DSCAM: variants seen among roughly 807,000 people sequenced by gnomAD.
DSCAM encodes the protein cell adhesion molecule DSCAM.
DSCAM carries 47 observed loss-of-function variants against 217.7 expected under a neutral mutation model. The observed-to-expected ratio is 0.22, with a 90% CI of 0.17 to 0.28. DSCAM has a LOEUF of 0.28. Among genes scored for constraint, DSCAM ranks in the 10% least tolerant of loss-of-function variants. The pLI is 1.00. For synonymous variants in DSCAM, 1,056 were observed against 1,015.3 expected, an observed-to-expected ratio of 1.04 and a Z score of -0.76; for missense variants, 2,080 against 2,618.3, an observed-to-expected ratio of 0.79 and a Z score of 4.49.
intron 3 of DSCAM, among the ~76,000 whole-genome samples, chr21:40,479,118 C>A (rs995837460): frequency 1.1e-4 from 16 of 152,250 alleles, no homozygotes; most frequent in African/African-American, 2.9e-4. Flanking sequence ...TGCTTCATTG[C>A]AATGAGGCAT....
chr21:40,369,067 A>T (rs1437041905), intron 4 of DSCAM, 32 bp downstream of exon 4: 1 of 1,574,786 alleles, frequency 6.4e-7, no homozygotes, highest in African/African-American at 1.4e-5. Flanking sequence ...GAAATAGCAG[A>T]CATAGCAGAC....
At chr21:40,721,990 C>T (rs535813966) in intron 1 of DSCAM, among the ~76,000 whole-genome samples, 11 of 151,854 alleles carry the variant, frequency 7.2e-5, no homozygotes, top group Non-Finnish European at 1.2e-4. Context: ...TCAGAAACAA[C>T]GCAAAACAGA....
chr21:40,230,184 T>C (rs2091369049), intron 11 of DSCAM, among the ~76,000 whole-genome samples: 1 of 152,218 alleles, frequency 6.6e-6, no homozygotes, highest in Non-Finnish European at 1.5e-5. Flanking sequence ...TTTCTCATAT[T>C]AGAATAATGC....
rs541992703 is a variant in DSCAM, at chr21:40,189,369, T to A, written c.2357-131A>T. The A allele has an allele frequency of 1.4e-4, 118 of 814,918 alleles. No homozygotes were observed. The African/African-American group carries it at 1.9e-3, about 13-fold the overall frequency. 50.5% of individuals were successfully genotyped at this position (814,918 alleles called of 1,614,324 possible). A position where few individuals can be genotyped will look rare whatever the true frequency, so the allele number is the denominator to read the frequency against. ...GAAATTTATTCAAGAAACTGCTGCA[T>A]GAGAATCTCGAGCAAAATAAAGGAA... On this transcript the variant is annotated intron_variant, in intron 11 of 32. Transcript: ENST00000400454.
intron 1 of DSCAM, among the ~76,000 whole-genome samples, chr21:40,824,143 C>T (rs1412808511): frequency 6.6e-6 from 1 of 152,122 alleles, no homozygotes. Flanking sequence ...CCCAGCCTCC[C>T]ACCTAGGTCA....
intron 1 of DSCAM, among the ~76,000 whole-genome samples, chr21:40,828,549 C>T (rs539740625): frequency 1.3e-5 from 2 of 152,270 alleles, no homozygotes; most frequent in Non-Finnish European, 2.9e-5. Context: ...GGACCAGGCA[C>T]AGTGCCTGCT....
chr21:40,574,448 C>A (rs1182685190), intron 3 of DSCAM, among the ~76,000 whole-genome samples: 1 of 152,012 alleles, frequency 6.6e-6, no homozygotes, highest in Non-Finnish European at 1.5e-5. Flanking sequence ...ACTCAAAAAA[C>A]TAAGAATAAA....
intron 15 of DSCAM, among the ~76,000 whole-genome samples, chr21:40,173,961 C>T (rs1439699371): frequency 6.6e-6 from 1 of 152,164 alleles, no homozygotes; most frequent in Non-Finnish European, 1.5e-5. Flanking sequence ...GCAGCCATCC[C>T]AAACTCGGTC....
intron 1 of DSCAM, among the ~76,000 whole-genome samples, chr21:40,820,511 T>C (rs1274918486): frequency 2.0e-5 from 3 of 152,072 alleles, no homozygotes; most frequent in African/African-American, 7.2e-5. Context: ...CTAATGCATA[T>C]GGGGCTTACA....
chr21:40,183,628 G>A (rs1202654150), intron 14 of DSCAM, among the ~76,000 whole-genome samples: 1 of 152,184 alleles, frequency 6.6e-6, no homozygotes, highest in Non-Finnish European at 1.5e-5. Context: ...AGAGACACTG[G>A]ATCCAGGAAG....
In DSCAM at chr21:40,189,207, A is replaced by G; in HGVS notation, c.2388T>C (p.Thr796=). The G allele has an allele frequency of 6.2e-7, 1 of 1,610,122 alleles. No individual in the cohort carries two copies. Among genetic ancestry groups the G allele is most frequent in the South Asian group, 1.1e-5 (1 of 90,210 alleles). ...TTTTCTGCCCCTGCGTGGCCAGGGT[A>G]GTATTTGGATAGGATGTTATCATCG... The part of the protein sequence containing the change: ...IPAMITSYPN[T]TLATQGQKKE... The change falls in exon 12 of 33, where the codon ACT becomes ACC. Residue 796 remains threonine, a synonymous_variant. Coordinates refer to ENST00000400454, the MANE Select transcript of DSCAM (RefSeq NM_001389.5).
intron 3 of DSCAM, among the ~76,000 whole-genome samples, chr21:40,401,023 T>G (rs2075228647): frequency 6.6e-6 from 1 of 152,226 alleles, no homozygotes; most frequent in African/African-American, 2.4e-5. Flanking sequence ...ATTTGAATTT[T>G]TGTTTGAAAA....
intron 3 of DSCAM, among the ~76,000 whole-genome samples, chr21:40,542,437 T>A (rs2076549407): frequency 6.6e-6 from 1 of 152,228 alleles, no homozygotes; most frequent in South Asian, 2.1e-4. Context: ...AAAATTCATA[T>A]GTTGAAATCC....
intron 3 of DSCAM, among the ~76,000 whole-genome samples, chr21:40,442,813 T>G (rs1350737198): frequency 6.6e-6 from 1 of 152,004 alleles, no homozygotes; most frequent in East Asian, 1.9e-4. Flanking sequence ...CCTGGCCGAG[T>G]TAATTTTTTA....
intron 1 of DSCAM, among the ~76,000 whole-genome samples, chr21:40,813,754 T>C (rs1052341426): frequency 6.6e-6 from 1 of 151,622 alleles, no homozygotes; most frequent in Non-Finnish European, 1.5e-5. Flanking sequence ...TTCAAGCAAT[T>C]CTCTGCCTCA....
intron 10 of DSCAM, among the ~76,000 whole-genome samples, chr21:40,286,732 T>C (rs2073829614): frequency 6.6e-6 from 1 of 151,516 alleles, no homozygotes; most frequent in African/African-American, 2.4e-5. Context: ...TGATCCACAG[T>C]GTGATCCATG....
chr21:40,839,344 T>C (rs889403076), intron 1 of DSCAM, among the ~76,000 whole-genome samples: 2 of 152,222 alleles, frequency 1.3e-5, no homozygotes, highest in East Asian at 3.8e-4. Flanking sequence ...ATTGCTTTAT[T>C]ACTGAGATGT....
chr21:40,692,253 T>C (rs2090546345), intron 3 of DSCAM, among the ~76,000 whole-genome samples: 1 of 152,250 alleles, frequency 6.6e-6, no homozygotes, highest in African/African-American at 2.4e-5. Flanking sequence ...TCTTGGAGGC[T>C]AAATTTAAAT....
chr21:40,328,806 C>A (rs1447173612), intron 8 of DSCAM, among the ~76,000 whole-genome samples: 2 of 148,212 alleles, frequency 1.3e-5, no homozygotes, highest in African/African-American at 2.6e-5. Context: ...AAGAAAACAA[C>A]CTGATTTGAA....
Sources: gnomAD v4.1 joint callset for allele counts (sites outside exome capture counted in the v4.1 genomes callset) on GRCh38, gnomAD v4.1.1 for gene constraint, MANE v1.5 for transcripts, NCBI Gene and HGNC (gene_info 2026-07-23, HGNC 2026-07-21) for gene names.